Variants in PCDHA6 observed in about 807,000 individuals in gnomAD.
The protein encoded by PCDHA6 is protocadherin alpha 6.
In PCDHA6, 55 loss-of-function variants were observed where a neutral mutation model predicts 60.3. The ratio of observed to expected loss-of-function variants is 0.91; its 90% CI spans 0.73 to 1.14. PCDHA6 has a LOEUF of 1.14. PCDHA6 is among the 50% of genes most tolerant of loss of function. PCDHA6 has a pLI of 0.00. For synonymous variants in PCDHA6, 652 were observed against 557.9 expected (o/e 1.17, Z -2.38); for missense variants, 1,327 against 1,256.5 (o/e 1.06, Z -0.85).
intron 1 of PCDHA6, among the ~76,000 whole-genome samples, chr5:140,904,463 AT>A (rs2071154368): frequency 6.6e-6 from 1 of 151,520 alleles, no homozygotes; most frequent in Non-Finnish European, 1.5e-5. Flanking sequence ...ACACTTGTTG[AT>A]TGGTGGCTAT....
intron 3 of PCDHA6, among the ~76,000 whole-genome samples, chr5:141,005,998 G>A (rs1289174174): frequency 1.3e-5 from 2 of 151,618 alleles, no homozygotes; most frequent in Non-Finnish European, 2.9e-5. Flanking sequence ...GGATCTGAAA[G>A]AAGGCCTGTA....
At chr5:140,870,930 A>C (rs373236202) in intron 1 of PCDHA6, 10 of 1,613,732 alleles carry the variant, frequency 6.2e-6, no homozygotes, top group Non-Finnish European at 8.5e-6. Flanking sequence ...TTTCATATGA[A>C]TTGCAGCCGG....
At position 140,894,520 on chromosome 5, in the gene PCDHA6, C is replaced by T. The variant is rs377646516; in HGVS notation, c.2394+64035C>T. On this transcript the variant is annotated intron_variant, in intron 1 of 3. Coordinates refer to ENST00000529310, the MANE Select transcript of PCDHA6 (RefSeq NM_018909.4). ...AGGCATTATCCATAGTGTTTATATG[C>T]TGTTATGTGCCTTCTGGTTTAGTGT... is the stretch of plus-strand genomic sequence containing the variant. Among the ~76,000 whole-genome samples, 12 of 151,842 alleles carry T rather than the reference C, an allele frequency of 7.9e-5. No homozygotes were observed. In the East Asian group the frequency reaches 1.9e-3, roughly 24 times the overall value.
chr5:140,850,520 G>A (rs2150487404), intron 1 of PCDHA6: 1 of 1,598,300 alleles, frequency 6.3e-7, no homozygotes, highest in South Asian at 1.1e-5. Context: ...GCGGCCAGGC[G>A]CCAAAGTCAT....
intron 1 of PCDHA6, chr5:140,969,555 C>A: frequency 1.6e-6 from 2 of 1,213,380 alleles, no homozygotes; most frequent in Non-Finnish European, 2.2e-6. Flanking sequence ...GAAGCCTTGT[C>A]CATAAAATTG....
intron 1 of PCDHA6, chr5:140,860,573 A>G (rs1299479847): frequency 6.6e-6 from 1 of 152,226 alleles, no homozygotes; most frequent in Non-Finnish European, 1.5e-5. Context: ...ATCATACACA[A>G]GAAGGTATAG....
intron 1 of PCDHA6, chr5:140,884,715 AGTT>A: frequency 6.8e-7 from 1 of 1,470,936 alleles, no homozygotes; most frequent in Non-Finnish European, 9.0e-7. Context: ...CCTTCCTTGC[AGTT>A]GTTTGTTTAA....
At chr5:140,923,275 C>CA (rs1328074482) in intron 1 of PCDHA6, among the ~76,000 whole-genome samples, 5 of 152,128 alleles carry the variant, frequency 3.3e-5, no homozygotes, top group African/African-American at 9.7e-5. Flanking sequence ...CTTGTCTCTA[C>CA]AAAAAATTAA....
chr5:140,902,203 CTTTTTTT>C (rs148688132), intron 1 of PCDHA6, among the ~76,000 whole-genome samples: 3 of 124,458 alleles, frequency 2.4e-5, no homozygotes, highest in African/African-American at 3.1e-5. Flanking sequence ...CTCTCTCTTT[CTTTTTTT>C]TTTTTTTTTT....
chr5:140,836,103 G>C, intron 1 of PCDHA6: 1 of 1,613,736 alleles, frequency 6.2e-7, no homozygotes, highest in Non-Finnish European at 8.5e-7. Flanking sequence ...GGGTGGCACT[G>C]GTGGCGCAGT....
At position 140,851,264 on chromosome 5, in the gene PCDHA6, A is replaced by G. The variant is rs1170850164; in HGVS notation, c.2394+20779A>G. The G allele has an allele frequency of 2.1e-5, 23 of 1,075,328 alleles. 1 individual carries two copies. The highest frequency in any genetic ancestry group is 4.3e-5 in the East Asian group (1 of 23,212). 66.6% of individuals were successfully genotyped at this position (1,075,328 alleles called of 1,614,324 possible). ...TAAATGATGCATAGTATTTTAGTCT[A>G]CTTGTATTGTTTATAAGAAACCCAA... On this transcript the variant is annotated intron_variant, in intron 1 of 3. Coordinates refer to ENST00000529310, the MANE Select transcript of PCDHA6 (RefSeq NM_018909.4).
intron 1 of PCDHA6, among the ~76,000 whole-genome samples, chr5:140,931,965 CAT>C (rs1195736359): frequency 6.6e-6 from 1 of 151,852 alleles, no homozygotes; most frequent in African/African-American, 2.4e-5. Context: ...CATGTTGATG[CAT>C]ATGTGTTTAT....
chr5:140,862,720 G>T (rs558152493), intron 1 of PCDHA6: 18 of 566,048 alleles, frequency 3.2e-5, no homozygotes, highest in Non-Finnish European at 6.2e-5. Flanking sequence ...GGGCGAGTGC[G>T]CGCTGTCTAG....
At chr5:140,834,587 C>T (rs2150222038) in intron 1 of PCDHA6, 4 of 1,614,120 alleles carry the variant, frequency 2.5e-6, no homozygotes, top group Admixed American at 3.3e-5. Context: ...GGGCGGTGTG[C>T]AAATTCCGTG....
At chr5:140,858,235 A>T (rs2045286318) in intron 1 of PCDHA6, 1 of 1,596,218 alleles carries the variant, frequency 6.3e-7, no homozygotes, top group African/African-American at 1.3e-5. Flanking sequence ...CCGAGGGCGC[A>T]TGTGGGCCGG....
At chr5:140,890,697 C>G (rs1479609896) in intron 1 of PCDHA6, among the ~76,000 whole-genome samples, 1 of 152,124 alleles carries the variant, frequency 6.6e-6, no homozygotes, top group Non-Finnish European at 1.5e-5. Context: ...ATGCAGGGAC[C>G]TTACATTTTT....
chr5:140,842,746 C>T, intron 1 of PCDHA6: 1 of 1,595,086 alleles, frequency 6.3e-7, no homozygotes, highest in South Asian at 1.1e-5. Flanking sequence ...GCCACATCTT[C>T]ACGGTGTCTG....
rs1777021029 is a variant in PCDHA6 at position 140,841,107 on chromosome 5, T to G, written c.2394+10622T>G. On this transcript the variant is annotated intron_variant, in intron 1 of 3. Coordinates refer to ENST00000529310, the MANE Select transcript of PCDHA6 (RefSeq NM_018909.4). ...TAGAAGAACCCAGATATTGCGGAAG[T>G]AATTCATGTAATCATTACCTTTTGA... 4 of 589,342 alleles carry G rather than the reference T, an allele frequency of 6.8e-6. No homozygotes were observed. In the South Asian group the frequency reaches 9.7e-5, roughly 14 times the overall value. The allele number at this position is 589,342 out of a possible 1,614,324, so 36.5% of individuals were successfully genotyped here. A position where few individuals can be genotyped will look rare whatever the true frequency, so the allele number is the denominator to read the frequency against.
At chr5:140,917,336 G>T (rs1183036523) in intron 1 of PCDHA6, among the ~76,000 whole-genome samples, 1 of 144,856 alleles carries the variant, frequency 6.9e-6, no homozygotes, top group Non-Finnish European at 1.5e-5. Context: ...GGGGAGGGGG[G>T]GGATGGTGTA....
Sources: gnomAD v4.1 joint callset for allele counts (sites outside exome capture counted in the v4.1 genomes callset) on GRCh38, gnomAD v4.1.1 for gene constraint, MANE v1.5 for transcripts, NCBI Gene and HGNC (gene_info 2026-07-23, HGNC 2026-07-21) for gene names.